TBP: variants seen among roughly 807,000 people sequenced by gnomAD.
The protein encoded by TBP is TATA-box-binding protein.
Under a neutral mutation model 46.2 loss-of-function variants are expected in TBP, and 12 were observed. The observed-to-expected ratio is 0.26, with a 90% CI of 0.17 to 0.42. The LOEUF is 0.42. Ranked by LOEUF, TBP falls within the 10% of genes least tolerant of loss-of-function variation. The pLI, the probability that TBP is intolerant of heterozygous loss-of-function variation, is 1.00. For missense variants in TBP, 229 were observed against 403.1 expected, an observed-to-expected ratio of 0.57 and a Z score of 3.70; for synonymous variants, 157 against 148.3, an observed-to-expected ratio of 1.06 and a Z score of -0.42.
At position 170,561,916 on chromosome 6, in the gene TBP, G is replaced by GCAA. The variant is rs753451807; in HGVS notation, c.189_191dup (p.Gln95dup). ...TGGAAGAGCAACAAAGGCAGCAGCA[G>GCAA]CAACAACAACAGCAGCAGCAGCAGC... On this transcript the variant is annotated inframe_insertion, in exon 3 of 8. Transcript: ENST00000392092. 4 of 959,220 alleles carry GCAA rather than the reference G, an allele frequency of 4.2e-6. No homozygotes were observed. The highest frequency in any genetic ancestry group is 4.7e-6 in the Non-Finnish European group (3 of 638,558). The allele number at this position is 959,220 out of a possible 1,614,324, so 59.4% of individuals were successfully genotyped here.
At chr6:170,555,476 C>A (rs1779003228) in intron 1 of TBP, among the ~76,000 whole-genome samples, 1 of 152,204 alleles carries the variant, frequency 6.6e-6, no homozygotes, top group African/African-American at 2.4e-5. Context: ...CTGCAGTGAC[C>A]TTCTATACAG....
At chr6:170,569,429 C>T (rs1303786462) in intron 5 of TBP, among the ~76,000 whole-genome samples, 183 bp from the exon 6 acceptor site, 1 of 152,200 alleles carries the variant, frequency 6.6e-6, no homozygotes, top group Admixed American at 6.5e-5. Context: ...AGTTTTCTGT[C>T]AAGGATCCAG....
chr6:170,565,622 G>T (rs751499144), intron 4 of TBP, among the ~76,000 whole-genome samples: 15 of 152,142 alleles, frequency 9.9e-5, no homozygotes, highest in African/African-American at 3.6e-4. Context: ...ATTACTTTAC[G>T]TTCTTAAGTG....
chr6:170,563,318 G>C (rs1472092308), intron 3 of TBP, among the ~76,000 whole-genome samples: 2 of 152,160 alleles, frequency 1.3e-5, no homozygotes, highest in African/African-American at 4.8e-5. Flanking sequence ...ACTCCCCAGA[G>C]CATCCAGTCA....
At position 170,564,483 on chromosome 6, in the gene TBP, G is replaced by C. The variant is rs11962869; in HGVS notation, c.498-62G>C. 16,590 of 1,169,454 alleles carry C rather than the reference G, an allele frequency of 0.014. 1,837 individuals are homozygous for C. The East Asian group carries it at 0.29, about 20-fold the overall frequency. 72.4% of individuals were successfully genotyped at this position (1,169,454 alleles called of 1,614,324 possible). On this transcript the variant is annotated intron_variant, in intron 3 of 7. Coordinates refer to ENST00000392092, the MANE Select transcript of TBP (RefSeq NM_003194.5). ...ATCAGATGTCTGCATAATTTCTAAC[G>C]CCTCATCCAATGAAACTTAAGTAAT...
At chr6:170,561,204 T>C (rs1025897526) in intron 2 of TBP, among the ~76,000 whole-genome samples, 3 of 152,250 alleles carry the variant, frequency 2.0e-5, no homozygotes, top group Non-Finnish European at 2.9e-5. Flanking sequence ...TTAAGTTATA[T>C]ACATATTATT....
At chr6:170,563,169 T>G (rs1022590327) in intron 3 of TBP, among the ~76,000 whole-genome samples, 5 of 152,188 alleles carry the variant, frequency 3.3e-5, no homozygotes, top group African/African-American at 9.7e-5. Context: ...TAGCTCACCC[T>G]TGTCTATACC....
chr6:170,556,974 A>G lies in TBP; in HGVS notation c.-56A>G, dbSNP rs979904223. On this transcript the variant is annotated 5_prime_UTR_variant, in exon 2 of 8. In the 5' UTR this introduces an upstream ATG that the reference lacks. Coordinates refer to ENST00000392092, the MANE Select transcript of TBP (RefSeq NM_003194.5). ...GAGATGCTCTAGGAAAAAATTGAATAGTGAGACGAGTTCCAGCGCAAGGGT... is the reference window on the plus strand; with the variant it reads ...GAGATGCTCTAGGAAAAAATTGAATGGTGAGACGAGTTCCAGCGCAAGGGT... 1.9e-6 allele frequency: 3 copies of G among 1,570,796 alleles called. No individual in the cohort carries two copies. The highest frequency in any genetic ancestry group is 2.7e-5 in the African/African-American group (2 of 73,840).
chr6:170,562,021 G>GCA lies in TBP; in HGVS notation c.285_286insCA (p.Ala96GlnfsTer49). 1.9e-6 allele frequency: 3 copies of GCA among 1,611,968 alleles called. No homozygotes were observed. Among genetic ancestry groups the GCA allele is most frequent in the Non-Finnish European group, 2.5e-6 (3 of 1,179,506 alleles). The stretch of plus-strand genomic sequence containing the variant: ...AGCAGCAGCAGCAGCAGCAGCAACA[G>GCA]GCAGTGGCAGCTGCAGCCGTTCAGC... On this transcript the variant is annotated frameshift_variant, in exon 3 of 8. Coordinates refer to ENST00000392092, the MANE Select transcript of TBP (RefSeq NM_003194.5). LOFTEE classifies it high-confidence loss of function.
rs1284180561 is a variant in TBP at position 170,572,802 on chromosome 6, A to G, written c.*537A>G. 2.0e-5 allele frequency: 3 copies of G among 153,194 alleles called. No individual in the cohort carries two copies. Among genetic ancestry groups the G allele is most frequent in the South Asian group, 4.1e-4 (2 of 4,862 alleles). The allele number at this position is 153,194 out of a possible 1,614,324, so 9.5% of individuals were successfully genotyped here. A position where few individuals can be genotyped will look rare whatever the true frequency, so the allele number is the denominator to read the frequency against. ...TGTTAATGAAAATGAATGGCTGTAC[A>G]TATTTTTTTCTTTCTTCAGAGTACT... On this transcript the variant is annotated 3_prime_UTR_variant, in exon 8 of 8. Transcript: ENST00000392092.
intron 1 of TBP, among the ~76,000 whole-genome samples, chr6:170,555,879 A>G (rs1452309747): frequency 6.6e-6 from 1 of 152,202 alleles, no homozygotes; most frequent in East Asian, 1.9e-4. Context: ...CAAGGACTAT[A>G]TCCTCCTATC....
At position 170,557,175 on chromosome 6, in the gene TBP, T is replaced by C. The variant is rs1779045076; in HGVS notation, c.54+92T>C. The C allele has an allele frequency of 5.6e-6, 7 of 1,244,858 alleles. No individual in the cohort carries two copies. The South Asian group carries it at 8.7e-5, about 16-fold the overall frequency. The allele number at this position is 1,244,858 out of a possible 1,614,324, so 77.1% of individuals were successfully genotyped here. ...GCAAGGAAGGGCATTTAATGATCTG[T>C]TTTTGAAAATGGTTTAATATGTTTT... On this transcript the variant is annotated intron_variant, in intron 2 of 7. Transcript: ENST00000392092.
Position 170,571,428 on chromosome 6 carries a change from T to C in TBP, c.864T>C (p.Phe288=). 1.2e-6 allele frequency: 2 copies of C among 1,613,704 alleles called. No homozygotes were observed. The highest frequency in any genetic ancestry group is 4.5e-5 in the East Asian group (2 of 44,874). The change falls in exon 7 of 8, where the codon TTT becomes TTC. Residue 288 remains phenylalanine, a synonymous_variant. Transcript: ENST00000392092. ...QQFSSYEPEL[F]PGLIYRMIKP... ...CTTCTAGTTATGAGCCAGAGTTATTTCCTGGTTTAATCTACAGAATGATCA... is the reference window on the plus strand; with the variant it reads ...CTTCTAGTTATGAGCCAGAGTTATTCCCTGGTTTAATCTACAGAATGATCA...
At chr6:170,571,788 G>T (rs1044647741) in intron 7 of TBP, among the ~76,000 whole-genome samples, 6 of 151,996 alleles carry the variant, frequency 3.9e-5, no homozygotes, top group Non-Finnish European at 7.4e-5. Flanking sequence ...GAAGCTTTAG[G>T]ATTCCTCAGC....
Position 170,562,085 on chromosome 6 carries a change from C to A in TBP, c.349C>A (p.Gln117Lys). 1 of 1,614,150 alleles carries A rather than the reference C, an allele frequency of 6.2e-7. No homozygotes were observed. Among genetic ancestry groups the A allele is most frequent in the South Asian group, 1.1e-5 (1 of 91,070 alleles). The change falls in exon 3 of 8, where the codon CAG becomes AAG. Residue 117 changes from glutamine (Q) to lysine (K), a missense_variant. Gln to Lys is a moderately conservative substitution (Grantham distance 53). Transcript: ENST00000392092. ...SQQATQGTSG[Q>K]APQLFHSQTL... ...GCAGGCAACACAGGGAACCTCAGGC[C>A]AGGCACCACAGCTCTTCCACTCACA...
At chr6:170,564,350 G>C (rs1443218167) in intron 3 of TBP, among the ~76,000 whole-genome samples, 195 bp from the exon 4 acceptor site, 1 of 152,096 alleles carries the variant, frequency 6.6e-6, no homozygotes, top group South Asian at 2.1e-4. Flanking sequence ...ACCTCAGTGC[G>C]TTATATGTAT....
chr6:170,563,478 T>C (rs898629905), intron 3 of TBP, among the ~76,000 whole-genome samples: 11 of 152,202 alleles, frequency 7.2e-5, no homozygotes. Context: ...GTGACTAAAG[T>C]TGTGATAGAT....
At position 170,571,303 on chromosome 6, in the gene TBP, C is replaced by G. The variant is rs569099105; in HGVS notation, c.846-107C>G. 6.8e-6 allele frequency: 5 copies of G among 737,620 alleles called. No homozygotes were observed. In the South Asian group the frequency reaches 8.9e-5, roughly 13 times the overall value. 45.7% of individuals were successfully genotyped at this position (737,620 alleles called of 1,614,324 possible). A position where few individuals can be genotyped will look rare whatever the true frequency, so the allele number is the denominator to read the frequency against. ...TGCTGCTTGAAGAACTGTGTTTTAC[C>G]TCTTGACTAGTTTGTTTATTCAGTA... On this transcript the variant is annotated intron_variant, in intron 6 of 7. Transcript: ENST00000392092.
At chr6:170,559,499 T>G (rs1180645936) in intron 2 of TBP, among the ~76,000 whole-genome samples, 2 of 152,146 alleles carry the variant, frequency 1.3e-5, no homozygotes, top group Non-Finnish European at 2.9e-5. Context: ...CACCCACACA[T>G]CCCCTTAAGC....
Sources: gnomAD v4.1 joint callset for allele counts (sites outside exome capture counted in the v4.1 genomes callset) on GRCh38, gnomAD v4.1.1 for gene constraint, MANE v1.5 for transcripts, NCBI Gene and HGNC (gene_info 2026-07-23, HGNC 2026-07-21) for gene names.